Variants in CD1B observed in about 807,000 individuals in gnomAD.
The protein encoded by CD1B is T-cell surface glycoprotein CD1b.
A neutral mutation model predicts 39.8 loss-of-function variants in CD1B; 43 were observed. That is an observed-to-expected ratio of 1.08 (90% confidence interval 0.85 to 1.39). The LOEUF (loss-of-function observed/expected upper bound fraction) is 1.39. CD1B is among the 40% of genes most tolerant of loss of function. The probability of loss-of-function intolerance (pLI) is 0.00; values close to 1 mark genes in which losing one functional copy is unlikely to be tolerated. For synonymous variants in CD1B, 192 were observed against 152.5 expected, an observed-to-expected ratio of 1.26 and a Z score of -1.91; for missense variants, 495 against 403.8, an observed-to-expected ratio of 1.23 and a Z score of -1.94.
the CD1B span, chr1:158,293,694 A>G: frequency 9.0e-7 from 1 of 1,113,372 alleles, no homozygotes; most frequent in Non-Finnish European, 1.3e-6. Context: ...TTCTGATGTC[A>G]TTTCCTCCAA....
chr1:158,312,241 C>T, the CD1B span, among the ~76,000 whole-genome samples: 1 of 152,110 alleles, frequency 6.6e-6, no homozygotes, highest in African/African-American at 2.4e-5. Flanking sequence ...ATCATGGGGA[C>T]AAGTCTTTCC....
the CD1B span, among the ~76,000 whole-genome samples, chr1:158,301,098 A>G: frequency 6.6e-6 from 1 of 151,464 alleles, no homozygotes; most frequent in East Asian, 1.9e-4. Context: ...TTTATCAGAG[A>G]CTGGGATTGC....
At chr1:158,299,605 C>A in the CD1B span, among the ~76,000 whole-genome samples, 1 of 152,168 alleles carries the variant, frequency 6.6e-6, no homozygotes, top group African/African-American at 2.4e-5. Flanking sequence ...GTCTGTGAAT[C>A]CATCTGGTCC....
chr1:158,302,956 CA>C, the CD1B span, among the ~76,000 whole-genome samples: 1 of 151,886 alleles, frequency 6.6e-6, no homozygotes, highest in Admixed American at 6.6e-5. Flanking sequence ...ATTGTGATAC[CA>C]AAACCTGGTA....
chr1:158,316,138 C>T, the CD1B span, among the ~76,000 whole-genome samples: 32 of 151,988 alleles, frequency 2.1e-4, no homozygotes, highest in East Asian at 2.7e-3. Context: ...CTTGGCAATG[C>T]GGGCTCTTTT....
the CD1B span, chr1:158,292,625 C>T: frequency 4.3e-6 from 7 of 1,613,042 alleles, no homozygotes; most frequent in South Asian, 1.1e-5. Flanking sequence ...GTCCAGTCGC[C>T]CCAGCCTTGG....
the CD1B span, among the ~76,000 whole-genome samples, chr1:158,321,696 G>C: frequency 6.6e-6 from 1 of 152,186 alleles, no homozygotes; most frequent in East Asian, 1.9e-4. Context: ...TTTACTTTGT[G>C]GTTATCATGA....
chr1:158,297,901 A>C, the CD1B span, among the ~76,000 whole-genome samples: 4 of 151,412 alleles, frequency 2.6e-5, no homozygotes, highest in African/African-American at 9.7e-5. Context: ...ATGCCACTGC[A>C]CTTCGGCCTA....
At chr1:158,315,599 T>G in the CD1B span, among the ~76,000 whole-genome samples, 2 of 150,960 alleles carry the variant, frequency 1.3e-5, no homozygotes, top group Non-Finnish European at 2.9e-5. Flanking sequence ...TTCTCCCATT[T>G]TGTAGGTTGC....
the CD1B span, among the ~76,000 whole-genome samples, chr1:158,287,250 A>G: frequency 6.6e-6 from 1 of 152,000 alleles, no homozygotes; most frequent in Non-Finnish European, 1.5e-5. Flanking sequence ...CTGCCTTCTC[A>G]CTATGAGCTC....
the CD1B span, chr1:158,291,107 C>T: frequency 1.7e-5 from 27 of 1,549,092 alleles, no homozygotes; most frequent in East Asian, 5.0e-4. Context: ...TTTTTCCTTA[C>T]ACTACTTGCC....
At chr1:158,317,201 C>T in the CD1B span, among the ~76,000 whole-genome samples, 2 of 151,672 alleles carry the variant, frequency 1.3e-5, no homozygotes, top group Non-Finnish European at 3.0e-5. Context: ...AGGATTCCCT[C>T]TTTTTCTATT....
the CD1B span, among the ~76,000 whole-genome samples, chr1:158,300,756 CTCTCT>C: frequency 2.8e-5 from 4 of 143,202 alleles, no homozygotes; most frequent in African/African-American, 1.1e-4. Context: ...GTCTCTCTCT[CTCTCT>C]TTTTTTTTTT....
At chr1:158,319,158 C>T in the CD1B span, among the ~76,000 whole-genome samples, 1 of 151,036 alleles carries the variant, frequency 6.6e-6, no homozygotes, top group African/African-American at 2.4e-5. Flanking sequence ...TTGCTCTTCT[C>T]GAGGAGTATC....
At chr1:158,287,442 G>T in the CD1B span, among the ~76,000 whole-genome samples, 5 of 152,098 alleles carry the variant, frequency 3.3e-5, no homozygotes, top group African/African-American at 4.8e-5. Flanking sequence ...TTACTTCTTA[G>T]AGGCCCCATT....
At chr1:158,293,218 A>G in the CD1B span, 1 of 1,612,862 alleles carries the variant, frequency 6.2e-7, no homozygotes, top group South Asian at 1.1e-5. Flanking sequence ...GCAGGACACC[A>G]CTTTTCCATG....
the CD1B span, chr1:158,291,395 C>G: frequency 1.2e-6 from 2 of 1,613,042 alleles, no homozygotes; most frequent in South Asian, 2.2e-5. Flanking sequence ...CAAGATTACT[C>G]GAAATGTAAG....
the CD1B span, among the ~76,000 whole-genome samples, chr1:158,318,616 C>T: frequency 1.3e-5 from 2 of 152,056 alleles, no homozygotes; most frequent in East Asian, 3.9e-4. Flanking sequence ...ACTCTTTATC[C>T]AATTTGCCAG....
the CD1B span, among the ~76,000 whole-genome samples, chr1:158,311,199 A>C: frequency 6.6e-6 from 1 of 151,800 alleles, no homozygotes; most frequent in Admixed American, 6.6e-5. Flanking sequence ...GCTTTTGTTT[A>C]GTTACCTGCT....
Sources: allele counts gnomAD v4.1 joint callset (sites outside exome capture counted in the v4.1 genomes callset), GRCh38; gene constraint gnomAD v4.1.1; transcripts MANE v1.5; gene names NCBI Gene and HGNC (gene_info 2026-07-23, HGNC 2026-07-21).